The following MS4A15 variants were observed in gnomAD, a reference collection of about 807,000 sequenced individuals.
MS4A15 encodes membrane spanning 4-domains A15.
A neutral mutation model predicts 20.6 loss-of-function variants in MS4A15; 22 were observed. The observed-to-expected ratio is 1.07, with a 90% CI of 0.76 to 1.52. MS4A15 has a LOEUF of 1.52. MS4A15 is among the 40% of genes most tolerant of loss of function. The pLI, the probability that MS4A15 is intolerant of heterozygous loss-of-function variation, is 0.00. For synonymous variants in MS4A15, 129 were observed against 129.3 expected (o/e 1.00, Z 0.02); for missense variants, 312 against 323.0 (o/e 0.97, Z 0.26).
intron 1 of MS4A15, among the ~76,000 whole-genome samples, chr11:60,759,225 C>T (rs1209843370): frequency 2.0e-5 from 3 of 152,228 alleles, no homozygotes; most frequent in African/African-American, 4.8e-5. Flanking sequence ...ACGCTGTTAA[C>T]CTGTAACTTT....
At chr11:60,767,463 C>T in intron 2 of MS4A15, 70 bp from the exon 3 acceptor site, 1 of 1,408,466 alleles carries the variant, frequency 7.1e-7, no homozygotes, top group Non-Finnish European at 9.3e-7. Context: ...GCCAGCCACG[C>T]TCTCCGCGGG....
Position 60,770,328 on chromosome 11 carries a change from G to A in MS4A15, c.349-963G>A, listed in dbSNP as rs550356807. ...TAGAATATAAGTTCCGGCCGGGCAC[G>A]GTGGCTGATGACTGTAATCCCAGCA... On this transcript the variant is annotated intron_variant, in intron 3 of 6. Transcript: ENST00000405633. Among the ~76,000 whole-genome samples, 40 of 152,230 alleles carry A rather than the reference G, an allele frequency of 2.6e-4. 1 individual carries two copies. In the South Asian group the frequency reaches 3.9e-3, roughly 15 times the overall value.
chr11:60,765,187 C>G (rs1052476212), intron 2 of MS4A15, among the ~76,000 whole-genome samples: 2 of 152,086 alleles, frequency 1.3e-5, no homozygotes, highest in South Asian at 4.1e-4. Flanking sequence ...AGCTGTTTGT[C>G]ATTAGCTGAA....
At chr11:60,761,031 A>G (rs1853726189) in intron 1 of MS4A15, among the ~76,000 whole-genome samples, 1 of 152,228 alleles carries the variant, frequency 6.6e-6, no homozygotes, top group Non-Finnish European at 1.5e-5. Flanking sequence ...TCCTTTGCCA[A>G]GTGGGATCAC....
chr11:60,771,698 G>T lies in MS4A15; in HGVS notation c.405+351G>T. On this transcript the variant is annotated intron_variant, in intron 4 of 6. Transcript: ENST00000405633. ...CCACAGGGAAAGCTGGAGAATGCAC[G>T]GAGGAGTGTGGGCAGGGTCGCCACT... 1.5e-5 allele frequency: 20 copies of T among 1,319,296 alleles called. No individual in the cohort carries two copies. The South Asian group carries it at 2.6e-4, about 17-fold the overall frequency. 81.7% of individuals were successfully genotyped at this position (1,319,296 alleles called of 1,614,324 possible). A position where few individuals can be genotyped will look rare whatever the true frequency, so the allele number is the denominator to read the frequency against.
chr11:60,771,648 G>T (rs1265919162), intron 4 of MS4A15: 2 of 1,433,762 alleles, frequency 1.4e-6, no homozygotes, highest in Non-Finnish European at 1.8e-6. Context: ...GCTGGGCCTT[G>T]GTGAGCAGAG....
intron 6 of MS4A15, among the ~76,000 whole-genome samples, chr11:60,774,856 G>A (rs940727428): frequency 5.3e-5 from 8 of 152,210 alleles, no homozygotes; most frequent in Admixed American, 3.3e-4. Flanking sequence ...GTCTGAGCAG[G>A]GGAGTGAGCT....
rs182507527 is a variant in MS4A15, at chr11:60,771,175, A to G, written c.349-116A>G. On this transcript the variant is annotated intron_variant, in intron 3 of 6. Coordinates refer to ENST00000405633, the MANE Select transcript of MS4A15 (RefSeq NM_001098835.2). ...ACCCCAAGGTGCCTGCCTGGCAGAG[A>G]AAGTGGCATCAGGAGGCTGTTGTCT... 2.8e-3 allele frequency: 3,279 copies of G among 1,179,312 alleles called. 6 individuals carry two copies. Among genetic ancestry groups the G allele is most frequent in the Middle Eastern group, 7.1e-3 (25 of 3,518 alleles). 73.1% of individuals were successfully genotyped at this position (1,179,312 alleles called of 1,614,324 possible). A position where few individuals can be genotyped will look rare whatever the true frequency, so the allele number is the denominator to read the frequency against.
At chr11:60,758,136 A>G (rs1853638311) in intron 1 of MS4A15, among the ~76,000 whole-genome samples, 1 of 152,134 alleles carries the variant, frequency 6.6e-6, no homozygotes, top group South Asian at 2.1e-4. Context: ...CAAAATTTGG[A>G]TAATAATATC....
At chr11:60,760,901 C>A (rs546163763) in intron 1 of MS4A15, among the ~76,000 whole-genome samples, 32 of 152,334 alleles carry the variant, frequency 2.1e-4, no homozygotes, top group African/African-American at 5.8e-4. Flanking sequence ...AACTATCCGG[C>A]TTGCAGGCAT....
At chr11:60,758,892 AT>A (rs1338907925) in intron 1 of MS4A15, among the ~76,000 whole-genome samples, 1 of 152,238 alleles carries the variant, frequency 6.6e-6, no homozygotes, top group Non-Finnish European at 1.5e-5. Flanking sequence ...GCAGCACAAA[AT>A]CCAGGAACAT....
At position 60,773,868 on chromosome 11, in the gene MS4A15, C is replaced by G. The variant is rs1854110779; in HGVS notation, c.530C>G (p.Thr177Ser). The part of the protein sequence containing the change: ...DVDRGYLAVL[T>S]IFTVLEFFTA... Reference sequence around the variant, plus strand: ...GACAGGGGCTATCTGGCCGTGCTTACTATCTTCACTGTCCTGGAGTTCTTC... The same window carrying G: ...GACAGGGGCTATCTGGCCGTGCTTAGTATCTTCACTGTCCTGGAGTTCTTC... Residue 177 changes from threonine to serine, a missense_variant, in exon 6 of 7, where the codon ACT becomes AGT. Physicochemically the swap from Thr to Ser is moderately conservative, Grantham distance 58. Coordinates refer to ENST00000405633, the MANE Select transcript of MS4A15 (RefSeq NM_001098835.2). 5.0e-6 allele frequency: 8 copies of G among 1,614,210 alleles called. No individual in the cohort carries two copies. The Admixed American group carries it at 1.0e-4, about 20-fold the overall frequency.
rs1290677409 is a variant in MS4A15 at position 60,769,158 on chromosome 11, ATGG to A, written c.348+1504_348+1506del. The stretch of plus-strand genomic sequence containing the variant: ...AAATATGCCCAGTAAAGCTTCAAAA[ATGG>A]GGGAAGGAACAAAAGCAAAAACTTG... On this transcript the variant is annotated intron_variant, in intron 3 of 6. Transcript: ENST00000405633. Among the ~76,000 whole-genome samples, 218 of 152,304 alleles carry A rather than the reference ATGG, an allele frequency of 1.4e-3. 1 individual carries two copies. Among genetic ancestry groups the A allele is most frequent in the South Asian group, 2.5e-3 (12 of 4,824 alleles).
At chr11:60,762,924 G>A (rs770276166) in intron 1 of MS4A15, among the ~76,000 whole-genome samples, 4 of 152,142 alleles carry the variant, frequency 2.6e-5, no homozygotes, top group Admixed American at 2.6e-4. Context: ...CTCCTAAGAA[G>A]GTGGTTTGAG....
chr11:60,772,090 G>C (rs919003404), intron 4 of MS4A15, among the ~76,000 whole-genome samples: 1 of 152,278 alleles, frequency 6.6e-6, no homozygotes, highest in Middle Eastern at 3.4e-3. Flanking sequence ...AGCTCAGCTG[G>C]GACGGTCTGG....
At position 60,771,232 on chromosome 11, in the gene MS4A15, G is replaced by A. The variant is rs1172389349; in HGVS notation, c.349-59G>A. ...GGCACCTCTTGACAGATCCCAAGCA[G>A]GGTCTGCCCTGCCCAGGGTCCTGGC... On this transcript the variant is annotated intron_variant, in intron 3 of 6. Coordinates refer to ENST00000405633, the MANE Select transcript of MS4A15 (RefSeq NM_001098835.2). The A allele has an allele frequency of 2.4e-5, 38 of 1,597,664 alleles. No individual in the cohort carries two copies. The South Asian group carries it at 3.9e-4, about 16-fold the overall frequency.
intron 1 of MS4A15, among the ~76,000 whole-genome samples, 188 bp downstream of exon 1, chr11:60,757,246 C>T (rs1391663137): frequency 1.3e-5 from 2 of 152,224 alleles, no homozygotes; most frequent in Admixed American, 6.5e-5. Flanking sequence ...GATCTTAATT[C>T]GGCAGGAATG....
In MS4A15 at chr11:60,775,626, G is replaced by T; in HGVS notation, c.634G>T (p.Ala212Ser). ...ASAPVIFLPN[A>S]FSADFNIPSP... ...GCAGCCTGTGATCTTCCTGCCAAAC[G>T]CCTTCAGCGCAGACTTCAACATCCC... The change falls in exon 7 of 7, where the codon GCC (alanine) becomes TCC (serine). Residue 212 changes from alanine (A) to serine (S), a missense_variant. Ala to Ser is a moderately conservative substitution (Grantham distance 99). Transcript: ENST00000405633. 6.2e-7 allele frequency: 1 copy of T among 1,613,864 alleles called. No individual in the cohort carries two copies. Among genetic ancestry groups the T allele is most frequent in the Non-Finnish European group, 8.5e-7 (1 of 1,179,896 alleles).
At chr11:60,757,919 C>T (rs1853633438) in intron 1 of MS4A15, among the ~76,000 whole-genome samples, 1 of 152,200 alleles carries the variant, frequency 6.6e-6, no homozygotes, top group Non-Finnish European at 1.5e-5. Context: ...TGAGAGTTTG[C>T]CTTTTACTGT....
Sources: gnomAD v4.1 joint callset for allele counts (sites outside exome capture counted in the v4.1 genomes callset) on GRCh38, gnomAD v4.1.1 for gene constraint, MANE v1.5 for transcripts, NCBI Gene and HGNC (gene_info 2026-07-23, HGNC 2026-07-21) for gene names.